The following FSTL4 variants were observed in gnomAD, a reference collection of about 807,000 sequenced individuals.
FSTL4 encodes follistatin-related protein 4.
Under a neutral mutation model 78.2 loss-of-function variants are expected in FSTL4, and 28 were observed. The observed-to-expected ratio is 0.36, with a 90% CI of 0.27 to 0.49. The LOEUF (loss-of-function observed/expected upper bound fraction) is 0.49. Among genes scored for constraint, FSTL4 ranks in the 20% least tolerant of loss-of-function variants. The probability of loss-of-function intolerance (pLI) is 0.98; values close to 1 mark genes in which losing one functional copy is unlikely to be tolerated. For synonymous variants in FSTL4, 422 were observed against 440.5 expected, an observed-to-expected ratio of 0.96 and a Z score of 0.53; for missense variants, 922 against 1,084.9, an observed-to-expected ratio of 0.85 and a Z score of 2.11.
At chr5:133,389,758 G>T (rs1317702287) in intron 4 of FSTL4, among the ~76,000 whole-genome samples, 1 of 152,074 alleles carries the variant, frequency 6.6e-6, no homozygotes, top group Non-Finnish European at 1.5e-5. Context: ...TGCAGACCTG[G>T]GTCTGTACAA....
chr5:133,435,735 TC>T (rs1757021713), intron 3 of FSTL4, among the ~76,000 whole-genome samples: 1 of 152,204 alleles, frequency 6.6e-6, no homozygotes, highest in Non-Finnish European at 1.5e-5. Flanking sequence ...TTCCTTTTAT[TC>T]CTAACAGTAA....
intron 7 of FSTL4, among the ~76,000 whole-genome samples, chr5:133,240,471 C>T (rs1025382103): frequency 3.3e-5 from 5 of 152,130 alleles, no homozygotes; most frequent in Admixed American, 1.3e-4. Context: ...CTGGAGTGGG[C>T]CTGTCCTCCT....
chr5:133,676,613 T>G, the FSTL4 span, among the ~76,000 whole-genome samples: 1 of 152,204 alleles, frequency 6.6e-6, no homozygotes, highest in African/African-American at 2.4e-5. Flanking sequence ...ACATTGCCAA[T>G]TTTCTATTAC....
At chr5:133,524,564 C>T (rs79962108) in intron 3 of FSTL4, among the ~76,000 whole-genome samples, 1,553 of 152,320 alleles carry the variant, frequency 0.01, 34 homozygotes, top group African/African-American at 0.036. Context: ...CGCAGAGAAG[C>T]CTGCTGTAGA....
At chr5:133,834,857 T>C in the FSTL4 span, among the ~76,000 whole-genome samples, 1 of 151,942 alleles carries the variant, frequency 6.6e-6, no homozygotes, top group East Asian at 1.9e-4. Flanking sequence ...GAAAATATCT[T>C]TATGATATAT....
rs568513994 is a variant in FSTL4 at position 133,301,925 on chromosome 5, T to G, written c.727+10729A>C. Among the ~76,000 whole-genome samples, 10 of 152,200 alleles carry G rather than the reference T, an allele frequency of 6.6e-5. 1 individual carries two copies. Among genetic ancestry groups the G allele is most frequent in the African/African-American group, 2.2e-4 (9 of 41,528 alleles). Reference sequence around the variant, plus strand: ...AGCCACCTCGTGTTGGCGACCAAACTGCTGAGCGGTCCTCAGCTCATCACC... The same window carrying G: ...AGCCACCTCGTGTTGGCGACCAAACGGCTGAGCGGTCCTCAGCTCATCACC... On this transcript the variant is annotated intron_variant, in intron 6 of 15. Coordinates refer to ENST00000265342, the MANE Select transcript of FSTL4 (RefSeq NM_015082.2).
intron 6 of FSTL4, among the ~76,000 whole-genome samples, chr5:133,287,684 G>A (rs1181746674): frequency 6.6e-6 from 1 of 152,182 alleles, no homozygotes; most frequent in East Asian, 1.9e-4. Context: ...ACCTGACACT[G>A]TGGTCCCCAC....
chr5:133,373,298 A>G (rs1050435811), intron 4 of FSTL4, among the ~76,000 whole-genome samples: 1 of 152,206 alleles, frequency 6.6e-6, no homozygotes, highest in Non-Finnish European at 1.5e-5. Flanking sequence ...CCACCAGCCC[A>G]CTGCCTTTTG....
intron 4 of FSTL4, among the ~76,000 whole-genome samples, chr5:133,371,881 G>A (rs1755313272): frequency 6.6e-6 from 1 of 152,168 alleles, no homozygotes; most frequent in Non-Finnish European, 1.5e-5. Flanking sequence ...CAACAGCCTC[G>A]GCTGCTGCTT....
intron 1 of FSTL4, among the ~76,000 whole-genome samples, chr5:133,604,403 A>C (rs1425628456): frequency 1.3e-5 from 2 of 152,122 alleles, no homozygotes; most frequent in Non-Finnish European, 2.9e-5. Context: ...GCACACAATT[A>C]GTGCTCGAGA....
chr5:133,618,735 G>T, the FSTL4 span, among the ~76,000 whole-genome samples: 2 of 152,204 alleles, frequency 1.3e-5, no homozygotes, highest in Non-Finnish European at 2.9e-5. Context: ...CTGGCAAATG[G>T]CAGAGCTAGG....
intron 6 of FSTL4, among the ~76,000 whole-genome samples, chr5:133,267,089 A>C (rs1752661293): frequency 2.0e-5 from 3 of 152,188 alleles, no homozygotes; most frequent in African/African-American, 7.2e-5. Flanking sequence ...CCCATGTCTC[A>C]GGACCACTTT....
chr5:133,761,975 A>G, the FSTL4 span, among the ~76,000 whole-genome samples: 105 of 152,252 alleles, frequency 6.9e-4, 1 homozygote, highest in African/African-American at 1.7e-3. Context: ...ACATCTGAGG[A>G]TTTGTAAAAT....
intron 2 of FSTL4, among the ~76,000 whole-genome samples, chr5:133,596,149 A>G (rs1024725829): frequency 1.3e-5 from 2 of 152,190 alleles, no homozygotes; most frequent in African/African-American, 4.8e-5. Flanking sequence ...GCCTGCCTAT[A>G]CCAGCAGCTA....
At chr5:133,264,496 G>T (rs1752601854) in intron 6 of FSTL4, among the ~76,000 whole-genome samples, 1 of 152,130 alleles carries the variant, frequency 6.6e-6, no homozygotes, top group Non-Finnish European at 1.5e-5. Context: ...CACCAGGCTT[G>T]GGGGGCTCAC....
chr5:133,388,838 C>T (rs939378277), intron 4 of FSTL4, among the ~76,000 whole-genome samples: 35 of 145,906 alleles, frequency 2.4e-4, no homozygotes, highest in African/African-American at 8.7e-4. Flanking sequence ...TCATCCTCTC[C>T]CACAGTATTT....
the FSTL4 span, among the ~76,000 whole-genome samples, chr5:133,781,437 T>C: frequency 6.6e-5 from 10 of 151,258 alleles, no homozygotes; most frequent in Non-Finnish European, 1.0e-4. Context: ...TATGCATGCA[T>C]GTGTTGTCTT....
At chr5:133,378,498 T>C (rs1014256478) in intron 4 of FSTL4, among the ~76,000 whole-genome samples, 3 of 152,182 alleles carry the variant, frequency 2.0e-5, no homozygotes, top group African/African-American at 7.2e-5. Flanking sequence ...ATTATATAAC[T>C]ATATACTTGC....
chr5:133,837,186 T>A, the FSTL4 span, among the ~76,000 whole-genome samples: 1 of 152,038 alleles, frequency 6.6e-6, no homozygotes, highest in Non-Finnish European at 1.5e-5. Context: ...TTCACTAATC[T>A]GCTCCTCCAC....
Sources: allele counts gnomAD v4.1 joint callset (sites outside exome capture counted in the v4.1 genomes callset), GRCh38; gene constraint gnomAD v4.1.1; transcripts MANE v1.5; gene names NCBI Gene and HGNC (gene_info 2026-07-23, HGNC 2026-07-21).